The following SP1 variants were observed in gnomAD, a reference collection of about 807,000 sequenced individuals.
The protein encoded by SP1 is Sp1 transcription factor, also known as transcription factor Sp1.
A neutral mutation model predicts 66.3 loss-of-function variants in SP1; 6 were observed. The observed-to-expected ratio is 0.09, with a 90% confidence interval of 0.05 to 0.18. The LOEUF is 0.18. Among genes scored for constraint, SP1 ranks in the 10% least tolerant of loss-of-function variants. SP1 has a pLI of 1.00. For missense variants in SP1, 848 were observed against 964.5 expected (o/e 0.88, Z 1.60); for synonymous variants, 417 against 360.8 (o/e 1.16, Z -1.77).
At chr12:53,384,271 CTTTTCTTTT>C (rs1306505733) in intron 3 of SP1, among the ~76,000 whole-genome samples, 1 of 147,074 alleles carries the variant, frequency 6.8e-6, no homozygotes, top group African/African-American at 2.5e-5. Flanking sequence ...GCCCGGCTTT[CTTTTCTTTT>C]TTTTCTTTTT....
chr12:53,383,617 C>T lies in SP1; in HGVS notation c.1670C>T (p.Ala557Val). ...GGCCTGCCGTTGGCTATAGCAAATG[C>T]CCCAGGTAAGATTTCCAATCTTGTG... ...IQGLPLAIANAPGDHGAQLGL... is the reference protein window; with the variant it reads ...IQGLPLAIANVPGDHGAQLGL... The change falls in exon 3 of 6, where the codon GCC becomes GTC. Residue 557 changes from alanine (A) to valine (V), a missense_variant. By Grantham distance (64) the Ala-to-Val change is moderately conservative. Around this residue, in one of 7 missense-constraint regions of SP1, gnomAD observed 606 missense variants for 589.9 expected, o/e 1.03. Transcript: ENST00000327443. 1.9e-6 allele frequency: 3 copies of T among 1,598,846 alleles called. No individual in the cohort carries two copies. Among genetic ancestry groups the T allele is most frequent in the Non-Finnish European group, 1.7e-6 (2 of 1,172,326 alleles).
At chr12:53,394,607 C>CTT (rs71443299) in intron 3 of SP1, among the ~76,000 whole-genome samples, 687 of 58,172 alleles carry the variant, frequency 0.012, 14 homozygotes, top group Middle Eastern at 0.017. Context: ...GAGATAAGGT[C>CTT]TTTTTTTTTT....
intron 2 of SP1, 41 bp downstream of exon 2, chr12:53,381,854 G>T: frequency 6.3e-7 from 1 of 1,576,712 alleles, no homozygotes; most frequent in Non-Finnish European, 8.6e-7. Flanking sequence ...TTGAGAAGAT[G>T]TAAATATTCT....
rs1353301787 is a variant in SP1 at position 53,380,265 on chromosome 12, C to T, written c.-27C>T. 6.3e-7 allele frequency: 1 copy of T among 1,592,442 alleles called. No homozygotes were observed. The highest frequency in any genetic ancestry group is 1.7e-5 in the Admixed American group (1 of 59,620). The stretch of plus-strand genomic sequence containing the variant: ...CCCCCAACCCCCCCGGACAGGACCC[C>T]CTTGAGCTTGTCCCTCAGCTGCCAC... On this transcript the variant is annotated 5_prime_UTR_variant, in exon 1 of 6. Coordinates refer to ENST00000327443, the MANE Select transcript of SP1 (RefSeq NM_138473.3).
At chr12:53,395,811 CAA>C (rs372500453) in intron 3 of SP1, among the ~76,000 whole-genome samples, 24,928 of 110,554 alleles carry the variant, frequency 0.23, 2,136 homozygotes, top group Admixed American at 0.27. Flanking sequence ...ACCAAAAATA[CAA>C]AAAAAAAAAA....
In SP1 at chr12:53,396,274, C is replaced by CA. The variant is rs551946313; in HGVS notation, c.1676-10297dup. 3.9e-3 allele frequency among the ~76,000 whole-genome samples: 397 copies of CA among 101,974 alleles called. 1 individual carries two copies. The highest frequency in any genetic ancestry group is 7.6e-3 in the East Asian group (25 of 3,306). 66.9% of individuals were successfully genotyped at this position (101,974 alleles called of 152,430 possible). On this transcript the variant is annotated intron_variant, in intron 3 of 5. Coordinates refer to ENST00000327443, the MANE Select transcript of SP1 (RefSeq NM_138473.3). ...CCAGCCTGGGTGACAGACTCCGTCT[C>CA]AAAAAAAAAAAAAAGCCAGGGGCGG...
At chr12:53,392,458 G>A (rs11170528) in intron 3 of SP1, among the ~76,000 whole-genome samples, 24,715 of 145,164 alleles carry the variant, frequency 0.17, 2,133 homozygotes, top group East Asian at 0.2. Context: ...CCGGGTTCAC[G>A]CCATTCTCCT....
Position 53,407,970 on chromosome 12 carries a change from G to C in SP1, c.1844+1217G>C, listed in dbSNP as rs1056708086. On this transcript the variant is annotated intron_variant, in intron 4 of 5. Coordinates refer to ENST00000327443, the MANE Select transcript of SP1 (RefSeq NM_138473.3). Reference sequence around the variant, plus strand: ...TTTTTTTAAGACAGATCTTCATCCGGGTACGGTGGCTCACGCCTGTAATCC... The same window carrying C: ...TTTTTTTAAGACAGATCTTCATCCGCGTACGGTGGCTCACGCCTGTAATCC... 1.2e-3 allele frequency among the ~76,000 whole-genome samples: 173 copies of C among 143,862 alleles called. 1 individual carries two copies. The highest frequency in any genetic ancestry group is 4.4e-4 in the Non-Finnish European group (29 of 65,580). 94.4% of individuals were successfully genotyped at this position (143,862 alleles called of 152,430 possible).
rs923399006 is a variant in SP1, at chr12:53,393,570, A to C, written c.1675+9948A>C. Among the ~76,000 whole-genome samples the C allele has an allele frequency of 4.1e-5, 6 of 146,242 alleles. No individual in the cohort carries two copies. In the Admixed American group the frequency reaches 4.1e-4, roughly 10 times the overall value. ...AGTGTTGGGATTACAGGTGTGAGCC[A>C]CCGCATCTGGACTGCATTTTCCTTT... On this transcript the variant is annotated intron_variant, in intron 3 of 5. Transcript: ENST00000327443.
chr12:53,390,974 C>CT (rs920037807), intron 3 of SP1, among the ~76,000 whole-genome samples: 4 of 151,830 alleles, frequency 2.6e-5, no homozygotes, highest in South Asian at 4.2e-4. Flanking sequence ...TCATGACTTG[C>CT]TTTTTTTTAC....
At chr12:53,390,633 G>A (rs1280001368) in intron 3 of SP1, among the ~76,000 whole-genome samples, 1 of 151,748 alleles carries the variant, frequency 6.6e-6, no homozygotes, top group Non-Finnish European at 1.5e-5. Context: ...CAGTGAGCCG[G>A]GATCGCACCA....
chr12:53,389,806 T>G (rs1221959586), intron 3 of SP1, among the ~76,000 whole-genome samples: 1 of 152,122 alleles, frequency 6.6e-6, no homozygotes, highest in East Asian at 1.9e-4. Context: ...AGATTTAAGT[T>G]TGGATGACTT....
intron 3 of SP1, among the ~76,000 whole-genome samples, chr12:53,387,738 CA>C (rs1938263016): frequency 6.6e-6 from 1 of 152,156 alleles, no homozygotes; most frequent in South Asian, 2.1e-4. Context: ...GTAATCCCAG[CA>C]CTTTGGGAGA....
intron 4 of SP1, among the ~76,000 whole-genome samples, chr12:53,407,355 TCA>T (rs1938766777): frequency 6.6e-6 from 1 of 150,640 alleles, no homozygotes; most frequent in Admixed American, 6.6e-5. Context: ...TGAGACAAAG[TCA>T]GTCTGTGTTT....
intron 5 of SP1, among the ~76,000 whole-genome samples, chr12:53,410,584 A>G (rs1392532502): frequency 6.6e-6 from 1 of 151,434 alleles, no homozygotes; most frequent in Non-Finnish European, 1.5e-5. Context: ...GGCTCACTGC[A>G]AGCTCCGCCT....
chr12:53,381,689 C>T lies in SP1; in HGVS notation c.38C>T (p.Ala13Val). ...DQDHSMDEMT[A>V]VVKIEKGVGG... ...GATCACTCCATGGATGAAATGACAG[C>T]TGTGGTGAAAATTGAAAAAGGAGTT... is the stretch of plus-strand genomic sequence containing the variant. Residue 13 changes from alanine (A) to valine (V), a missense_variant, in exon 2 of 6, where the codon GCT (alanine) becomes GTT (valine). By Grantham distance (64) the Ala-to-Val change is moderately conservative (BLOSUM62 0). Around this residue, in one of 7 missense-constraint regions of SP1, gnomAD observed 84 missense variants for 73.9 expected, o/e 1.14. Coordinates refer to ENST00000327443, the MANE Select transcript of SP1 (RefSeq NM_138473.3). The T allele has an allele frequency of 1.2e-6, 2 of 1,613,418 alleles. No homozygotes were observed. Among genetic ancestry groups the T allele is most frequent in the East Asian group, 2.2e-5 (1 of 44,868 alleles).
At chr12:53,381,124 G>C (rs923025425) in intron 1 of SP1, among the ~76,000 whole-genome samples, 2 of 151,432 alleles carry the variant, frequency 1.3e-5, no homozygotes, top group African/African-American at 4.9e-5. Context: ...GGCTAATTTT[G>C]TATTTTTAGT....
In SP1 at chr12:53,410,968, A is replaced by C. The variant is rs1274268492; in HGVS notation, c.2086A>C (p.Met696Leu). ...CTGCCCTGAGTGTCCTAAGCGCTTCATGAGGAGTGACCACCTGTCAAAACA... is the reference window on the plus strand; with the variant it reads ...CTGCCCTGAGTGTCCTAAGCGCTTCCTGAGGAGTGACCACCTGTCAAAACA... ...FACPECPKRF[M>L]RSDHLSKHIK... Residue 696 changes from methionine (M) to leucine (L), a missense_variant, in exon 6 of 6, where the codon ATG (methionine) becomes CTG (leucine). By Grantham distance (15) the Met-to-Leu change is conservative (BLOSUM62 2). Coordinates refer to ENST00000327443, the MANE Select transcript of SP1 (RefSeq NM_138473.3). The C allele has an allele frequency of 6.2e-7, 1 of 1,614,182 alleles. No individual in the cohort carries two copies.
intron 3 of SP1, among the ~76,000 whole-genome samples, chr12:53,403,200 G>A (rs1938650825): frequency 6.6e-6 from 1 of 152,068 alleles, no homozygotes; most frequent in Non-Finnish European, 1.5e-5. Flanking sequence ...AAATTATGTG[G>A]AAGAGCTGAA....
Sources: gnomAD v4.1 joint callset for allele counts (sites outside exome capture counted in the v4.1 genomes callset) on GRCh38, gnomAD v4.1.1 for gene constraint, gnomAD v4.1.1 regional missense constraint, MANE v1.5 for transcripts, NCBI Gene and HGNC (gene_info 2026-07-23, HGNC 2026-07-21) for gene names.